The following FHIP2A variants were observed in gnomAD, a reference collection of about 807,000 sequenced individuals.
FHIP2A encodes the protein FHF complex subunit HOOK interacting protein 2A.
Under a neutral mutation model 93.5 loss-of-function variants are expected in FHIP2A, and 46 were observed. The ratio of observed to expected loss-of-function variants is 0.49; its 90% CI spans 0.39 to 0.63. The LOEUF (loss-of-function observed/expected upper bound fraction) is 0.63. Ranked by LOEUF, FHIP2A falls within the 20% of genes least tolerant of loss-of-function variation. The probability of loss-of-function intolerance (pLI) is 0.00; values close to 1 mark genes in which losing one functional copy is unlikely to be tolerated. For missense variants in FHIP2A, 769 were observed against 909.7 expected (o/e 0.85, Z 1.99); for synonymous variants, 332 against 326.5 (o/e 1.02, Z -0.18).
chr10:114,849,598 G>A (rs2083722623), intron 13 of FHIP2A, among the ~76,000 whole-genome samples: 1 of 152,164 alleles, frequency 6.6e-6, no homozygotes, highest in South Asian at 2.1e-4. Flanking sequence ...CTCCTGCAAA[G>A]AAAACTTGTA....
chr10:114,886,517 T>C (rs1479489683), intron 16 of FHIP2A, among the ~76,000 whole-genome samples: 1 of 151,300 alleles, frequency 6.6e-6, no homozygotes, highest in Admixed American at 6.6e-5. Flanking sequence ...TTCTGCAAAG[T>C]AGATGCTATT....
At chr10:114,877,021 A>G (rs2083892991) in intron 16 of FHIP2A, among the ~76,000 whole-genome samples, 1 of 152,088 alleles carries the variant, frequency 6.6e-6, no homozygotes, top group Admixed American at 6.5e-5. Context: ...TTTATCTGCA[A>G]CTGTTACTCC....
At chr10:114,896,117 G>A (rs994919639) in intron 16 of FHIP2A, among the ~76,000 whole-genome samples, 1 of 152,064 alleles carries the variant, frequency 6.6e-6, no homozygotes, top group Non-Finnish European at 1.5e-5. Context: ...GGGAAATTGA[G>A]CTGCTACTAC....
At chr10:114,842,780 A>G (rs116170436) in intron 5 of FHIP2A, among the ~76,000 whole-genome samples, 153 bp from the exon 6 acceptor site, 32 of 152,334 alleles carry the variant, frequency 2.1e-4, no homozygotes, top group African/African-American at 7.7e-4. Flanking sequence ...TCTAAAACAC[A>G]GTTTGTTAAA....
intron 16 of FHIP2A, among the ~76,000 whole-genome samples, chr10:114,897,934 A>G (rs1351248053): frequency 6.6e-6 from 1 of 152,174 alleles, no homozygotes; most frequent in African/African-American, 2.4e-5. Context: ...TGGGACTGTG[A>G]CTGAACTTGA....
At position 114,843,233 on chromosome 10, in the gene FHIP2A, T is replaced by C. The variant is rs1407845594; in HGVS notation, c.816+7T>C. The C allele has an allele frequency of 1.3e-6, 2 of 1,583,330 alleles. No individual in the cohort carries two copies. Among genetic ancestry groups the C allele is most frequent in the South Asian group, 2.3e-5 (2 of 86,950 alleles). On this transcript the variant is annotated splice_region_variant and intron_variant, in intron 6 of 16. Coordinates refer to ENST00000369248, the MANE Select transcript of FHIP2A (RefSeq NM_020940.4). ...AAATCTTACTAGAAGTCCTGTGAGT[T>C]ATGGTCCTTACTTTTTCCCCCCTAA...
rs931441305 is a variant in FHIP2A at position 114,882,690 on chromosome 10, T to C, written c.2193-16800T>C. ...GAGTTTGAGACCAGCCTGGCCACCA[T>C]GGTGAAACCCCGTCTCTACTAAAAA... On this transcript the variant is annotated intron_variant, in intron 16 of 16. Transcript: ENST00000369250. Among the ~76,000 whole-genome samples the C allele has an allele frequency of 2.6e-5, 4 of 152,184 alleles. No homozygotes were observed. In the East Asian group the frequency reaches 5.8e-4, roughly 22 times the overall value.
intron 16 of FHIP2A, among the ~76,000 whole-genome samples, chr10:114,879,658 G>A (rs1244466155): frequency 6.6e-6 from 1 of 152,166 alleles, no homozygotes; most frequent in Admixed American, 6.5e-5. Flanking sequence ...TCAACTGGGG[G>A]GCTTTGGTTT....
chr10:114,847,747 C>CA (rs2083710341), intron 12 of FHIP2A, among the ~76,000 whole-genome samples: 1 of 141,230 alleles, frequency 7.1e-6, no homozygotes, highest in African/African-American at 2.6e-5. Flanking sequence ...TTCCCTCCCC[C>CA]ACCTTTTTTT....
chr10:114,822,149 G>C, intron 1 of FHIP2A, 26 bp downstream of exon 1: 1 of 1,282,132 alleles, frequency 7.8e-7, no homozygotes, highest in Non-Finnish European at 1.0e-6. Context: ...GCGGGCGCAC[G>C]GCAGGCCGGG....
At chr10:114,837,235 C>G (rs538336876) in intron 5 of FHIP2A, among the ~76,000 whole-genome samples, 4 of 152,242 alleles carry the variant, frequency 2.6e-5, no homozygotes, top group African/African-American at 9.6e-5. Flanking sequence ...ATTTTTCTGG[C>G]CAGGCGCGAT....
At chr10:114,893,295 G>T (rs2083984765) in intron 16 of FHIP2A, among the ~76,000 whole-genome samples, 1 of 152,308 alleles carries the variant, frequency 6.6e-6, no homozygotes, top group East Asian at 1.9e-4. Context: ...AGAAAAGGTT[G>T]ATTGTTCTAT....
At position 114,846,621 on chromosome 10, in the gene FHIP2A, TTACAACTTG is replaced by T; in HGVS notation, c.1462_1470del (p.Tyr488_Leu490del). On this transcript the variant is annotated inframe_deletion, in exon 11 of 17. Transcript: ENST00000369248. ...TACAAAAACCCAATGAGCACATTCTTTACAACTTGGTCTTGAGAAATCTTGAAGAAAGAA... is the reference window on the plus strand; with the variant it reads ...TACAAAAACCCAATGAGCACATTCTTGTCTTGAGAAATCTTGAAGAAAGAA... The T allele has an allele frequency of 6.2e-7, 1 of 1,612,724 alleles. No homozygotes were observed. The highest frequency in any genetic ancestry group is 8.5e-7 in the Non-Finnish European group (1 of 1,179,566).
At chr10:114,831,840 T>C (rs1170067884) in intron 2 of FHIP2A, among the ~76,000 whole-genome samples, 2 of 152,226 alleles carry the variant, frequency 1.3e-5, no homozygotes, top group African/African-American at 4.8e-5. Context: ...CCAAGTTGTC[T>C]AACTCCAGGG....
intron 12 of FHIP2A, among the ~76,000 whole-genome samples, chr10:114,847,750 C>CATT (rs544868283): frequency 7.2e-6 from 1 of 139,052 alleles, no homozygotes; most frequent in Non-Finnish European, 1.5e-5. Context: ...CCTCCCCCAC[C>CATT]TTTTTTTTTT....
Position 114,833,004 on chromosome 10 carries a change from G to A in FHIP2A, c.125-229G>A, listed in dbSNP as rs576438340. Reference sequence around the variant, plus strand: ...GCTGGAATTACAGGTGTGAGCCACCGTGCCTAGCCATATTTCAGAATATTG... The same window carrying A: ...GCTGGAATTACAGGTGTGAGCCACCATGCCTAGCCATATTTCAGAATATTG... On this transcript the variant is annotated intron_variant, in intron 2 of 16. Coordinates refer to ENST00000369248, the MANE Select transcript of FHIP2A (RefSeq NM_020940.4). Among the ~76,000 whole-genome samples, 382 of 152,184 alleles carry A rather than the reference G, an allele frequency of 2.5e-3. 3 individuals carry two copies. The highest frequency in any genetic ancestry group is 2.0e-3 in the Non-Finnish European group (133 of 68,002).
intron 3 of FHIP2A, 145 bp downstream of exon 3, chr10:114,833,547 G>A (rs1048995681): frequency 4.1e-6 from 3 of 740,028 alleles, no homozygotes; most frequent in Admixed American, 2.6e-5. Context: ...AAAGAAAATT[G>A]TGTAGCCTAT....
intron 16 of FHIP2A, among the ~76,000 whole-genome samples, chr10:114,880,671 C>T (rs569236966): frequency 4.6e-4 from 44 of 96,164 alleles, no homozygotes; most frequent in African/African-American, 1.6e-3. Flanking sequence ...CAGAGTGAGA[C>T]TCCATGTCAA....
chr10:114,835,137 T>G (rs2083629668), intron 3 of FHIP2A, among the ~76,000 whole-genome samples: 1 of 152,194 alleles, frequency 6.6e-6, no homozygotes, highest in Admixed American at 6.5e-5. Flanking sequence ...ATGACATGTC[T>G]GTCATTAGTG....
Sources: gnomAD v4.1 joint callset for allele counts (sites outside exome capture counted in the v4.1 genomes callset) on GRCh38, gnomAD v4.1.1 for gene constraint, MANE v1.5 for transcripts, NCBI Gene and HGNC (gene_info 2026-07-23, HGNC 2026-07-21) for gene names.